The following EHBP1 variants were observed in gnomAD, a reference collection of about 807,000 sequenced individuals.
The protein encoded by EHBP1 is EH domain-binding protein 1.
A neutral mutation model predicts 144.0 loss-of-function variants in EHBP1; 55 were observed. The observed-to-expected ratio is 0.38, with a 90% CI of 0.31 to 0.48. EHBP1 has a LOEUF of 0.48. EHBP1 is among the 20% of genes least tolerant of loss of function. EHBP1 has a pLI of 0.98. For synonymous variants in EHBP1, 469 were observed against 472.7 expected (o/e 0.99, Z 0.10); for missense variants, 1,200 against 1,364.2 (o/e 0.88, Z 1.90).
intron 10 of EHBP1, among the ~76,000 whole-genome samples, chr2:62,901,154 C>T (rs1317718175): frequency 1.3e-5 from 2 of 152,096 alleles, no homozygotes; most frequent in Non-Finnish European, 2.9e-5. Flanking sequence ...TTAACTTGGA[C>T]ATAAGATGTG....
chr2:62,845,463 G>A (rs2048223402), intron 7 of EHBP1, among the ~76,000 whole-genome samples: 1 of 152,058 alleles, frequency 6.6e-6, no homozygotes, highest in Non-Finnish European at 1.5e-5. Context: ...ACATATTAAG[G>A]AGCTAGAGTT....
intron 5 of EHBP1, among the ~76,000 whole-genome samples, chr2:62,823,902 A>C (rs2046161290): frequency 6.6e-6 from 1 of 152,020 alleles, no homozygotes; most frequent in African/African-American, 2.4e-5. Context: ...AAAGAGCTCT[A>C]GTCTACTCAT....
At chr2:62,696,653 A>G (rs947717027) in intron 1 of EHBP1, among the ~76,000 whole-genome samples, 2 of 150,606 alleles carry the variant, frequency 1.3e-5, no homozygotes, top group Non-Finnish European at 3.0e-5. Flanking sequence ...AGCTGGGACT[A>G]CAGGCGCCAG....
chr2:63,005,153 G>C (rs1266259553), intron 19 of EHBP1, among the ~76,000 whole-genome samples: 2 of 152,042 alleles, frequency 1.3e-5, no homozygotes, highest in African/African-American at 4.8e-5. Context: ...TGGTAATCCA[G>C]AGTCATCATG....
intron 1 of EHBP1, among the ~76,000 whole-genome samples, chr2:62,675,412 A>C (rs939202666): frequency 1.1e-4 from 17 of 152,168 alleles, no homozygotes; most frequent in African/African-American, 4.1e-4. Flanking sequence ...GTACTCTAGA[A>C]AGTCCTAGAG....
chr2:62,735,479 C>T (rs903568625), intron 2 of EHBP1, among the ~76,000 whole-genome samples: 1 of 152,042 alleles, frequency 6.6e-6, no homozygotes, highest in Non-Finnish European at 1.5e-5. Flanking sequence ...TGTATATATA[C>T]ACACTATGTA....
At position 62,976,141 on chromosome 2, in the gene EHBP1, G is replaced by A. The variant is rs533237372; in HGVS notation, c.2461-3047G>A. 3.2e-4 allele frequency among the ~76,000 whole-genome samples: 49 copies of A among 152,212 alleles called. 1 individual carries two copies. In the South Asian group the frequency reaches 4.2e-3, roughly 13 times the overall value. ...GGACTCGAATTTTCCTTGATTCAGT[G>A]TGTGACCTCACTGATTCAATTCATT... On this transcript the variant is annotated intron_variant, in intron 14 of 22. Coordinates refer to ENST00000431489, the MANE Select transcript of EHBP1 (RefSeq NM_001142616.3).
At chr2:62,971,474 A>G (rs2058492675) in intron 14 of EHBP1, among the ~76,000 whole-genome samples, 1 of 152,212 alleles carries the variant, frequency 6.6e-6, no homozygotes, top group African/African-American at 2.4e-5. Context: ...ACTGATTTGT[A>G]TAGCCCAAGT....
At chr2:63,020,254 G>A (rs1559075841) in intron 19 of EHBP1, among the ~76,000 whole-genome samples, 1 of 150,734 alleles carries the variant, frequency 6.6e-6, no homozygotes. Context: ...AACCTGGGTG[G>A]TGGAGGTTGC....
intron 5 of EHBP1, among the ~76,000 whole-genome samples, chr2:62,783,123 A>G (rs2042559312): frequency 6.6e-6 from 1 of 152,196 alleles, no homozygotes; most frequent in Non-Finnish European, 1.5e-5. Context: ...TAAAGTTCCA[A>G]AATGATCTCC....
At chr2:62,739,150 G>A (rs1222689830) in intron 2 of EHBP1, among the ~76,000 whole-genome samples, 1 of 152,216 alleles carries the variant, frequency 6.6e-6, no homozygotes, top group Non-Finnish European at 1.5e-5. Context: ...AGGCTTAGAT[G>A]ATGCAACCAG....
intron 14 of EHBP1, among the ~76,000 whole-genome samples, chr2:62,963,389 G>A (rs1410657147): frequency 1.3e-5 from 2 of 152,080 alleles, no homozygotes; most frequent in African/African-American, 4.8e-5. Flanking sequence ...AATAAAAGAA[G>A]CATTTACCAT....
chr2:62,838,092 A>G (rs1266867260), intron 7 of EHBP1, among the ~76,000 whole-genome samples: 2 of 151,584 alleles, frequency 1.3e-5, no homozygotes, highest in Non-Finnish European at 2.9e-5. Flanking sequence ...AGTTGGAAGT[A>G]AAGCTCTCCT....
chr2:62,771,445 A>G (rs1230172006), intron 5 of EHBP1, 53 bp downstream of exon 5: 3 of 1,382,866 alleles, frequency 2.2e-6, no homozygotes, highest in Admixed American at 2.0e-5. Flanking sequence ...TTATATATGC[A>G]TTATTAAGGT....
At chr2:62,936,816 T>C (rs548371716) in intron 10 of EHBP1, among the ~76,000 whole-genome samples, 1 of 152,280 alleles carries the variant, frequency 6.6e-6, no homozygotes, top group East Asian at 1.9e-4. Context: ...CCAATATAAA[T>C]GTAAGTGTTC....
At chr2:62,748,342 A>C (rs1348991227) in intron 3 of EHBP1, among the ~76,000 whole-genome samples, 2 of 152,056 alleles carry the variant, frequency 1.3e-5, no homozygotes, top group Non-Finnish European at 2.9e-5. Flanking sequence ...ATTCAATAAC[A>C]GTTCTACAGA....
chr2:62,781,758 A>G (rs1325336525), intron 5 of EHBP1, among the ~76,000 whole-genome samples: 1 of 152,210 alleles, frequency 6.6e-6, no homozygotes, highest in Admixed American at 6.5e-5. Context: ...TAACTTAACC[A>G]TATGTTAAGT....
At chr2:63,043,469 A>T (rs1243284168) in intron 21 of EHBP1, among the ~76,000 whole-genome samples, 1 of 152,208 alleles carries the variant, frequency 6.6e-6, no homozygotes, top group African/African-American at 2.4e-5. Context: ...AGCATGTTTC[A>T]TATAAATATG....
chr2:62,943,732 TCA>T (rs1039091138), intron 11 of EHBP1, 68 bp from the exon 12 acceptor site: 2 of 1,077,960 alleles, frequency 1.9e-6, no homozygotes, highest in Non-Finnish European at 2.6e-6. Flanking sequence ...ATTTTTAGAT[TCA>T]GTTTGTTTTA....
Sources: gnomAD v4.1 joint callset for allele counts (sites outside exome capture counted in the v4.1 genomes callset) on GRCh38, gnomAD v4.1.1 for gene constraint, MANE v1.5 for transcripts, NCBI Gene and HGNC (gene_info 2026-07-23, HGNC 2026-07-21) for gene names.